The following SLC49A4 variants were observed in gnomAD, a reference collection of about 807,000 sequenced individuals.
The protein encoded by SLC49A4 is solute carrier family 49 member 4, also known as disrupted in renal cancer protein 2.
A neutral mutation model predicts 50.6 loss-of-function variants in SLC49A4; 36 were observed. The ratio of observed to expected loss-of-function variants is 0.71; its 90% CI spans 0.55 to 0.94. SLC49A4 has a LOEUF of 0.94. Ranked by LOEUF, SLC49A4 falls within the 40% of genes least tolerant of loss-of-function variation. SLC49A4 has a pLI of 0.00. For synonymous variants in SLC49A4, 248 were observed against 241.2 expected (o/e 1.03, Z -0.26); for missense variants, 503 against 605.7 (o/e 0.83, Z 1.78).
intron 1 of SLC49A4, among the ~76,000 whole-genome samples, chr3:122,802,131 G>A (rs906551046): frequency 2.2e-4 from 34 of 152,202 alleles, no homozygotes; most frequent in African/African-American, 6.0e-4. Flanking sequence ...GGGCAACATC[G>A]TGAGACCCTA....
intron 4 of SLC49A4, among the ~76,000 whole-genome samples, chr3:122,836,298 T>C (rs562986576): frequency 1.2e-3 from 185 of 152,230 alleles, no homozygotes; most frequent in African/African-American, 4.2e-3. Flanking sequence ...GGATTACATT[T>C]ATTGATTTGC....
At chr3:122,851,111 C>G (rs1167706956) in intron 5 of SLC49A4, among the ~76,000 whole-genome samples, 1 of 152,136 alleles carries the variant, frequency 6.6e-6, no homozygotes, top group Non-Finnish European at 1.5e-5. Flanking sequence ...TCATTTAACC[C>G]TCTCCCATCT....
In SLC49A4 at chr3:122,819,672, A is replaced by G. The variant is rs533924597; in HGVS notation, c.438-7128A>G. 2.5e-4 allele frequency among the ~76,000 whole-genome samples: 38 copies of G among 152,240 alleles called. No homozygotes were observed. In the East Asian group the frequency reaches 6.9e-3, roughly 28 times the overall value. ...TCATTACTTTTCCACCACCACCTCTATTTCTCTTTTCCTGTCTTCCTTTTT... is the reference window on the plus strand; with the variant it reads ...TCATTACTTTTCCACCACCACCTCTGTTTCTCTTTTCCTGTCTTCCTTTTT... On this transcript the variant is annotated intron_variant, in intron 2 of 8. Transcript: ENST00000261038.
intron 7 of SLC49A4, among the ~76,000 whole-genome samples, chr3:122,872,009 TTAAA>T (rs1307225417): frequency 6.6e-6 from 1 of 152,224 alleles, no homozygotes; most frequent in Non-Finnish European, 1.5e-5. Flanking sequence ...ACCAATCTCT[TTAAA>T]TATGTAATTT....
intron 7 of SLC49A4, among the ~76,000 whole-genome samples, chr3:122,865,326 G>C (rs1045191633): frequency 1.3e-5 from 2 of 152,194 alleles, no homozygotes; most frequent in Non-Finnish European, 2.9e-5. Flanking sequence ...TACAGTTAGA[G>C]GGCTTGACTA....
chr3:122,832,792 A>C (rs554635303), intron 3 of SLC49A4, among the ~76,000 whole-genome samples: 11 of 152,214 alleles, frequency 7.2e-5, no homozygotes, highest in African/African-American at 2.6e-4. Context: ...CCTCTTTACC[A>C]ATTACTTGTT....
At chr3:122,822,925 A>G (rs1936474321) in intron 2 of SLC49A4, among the ~76,000 whole-genome samples, 1 of 152,082 alleles carries the variant, frequency 6.6e-6, no homozygotes, top group South Asian at 2.1e-4. Flanking sequence ...CTTGCCATAT[A>G]TATTGTATCA....
intron 2 of SLC49A4, among the ~76,000 whole-genome samples, chr3:122,821,529 A>G (rs1436043325): frequency 2.0e-5 from 3 of 152,206 alleles, no homozygotes; most frequent in African/African-American, 7.2e-5. Flanking sequence ...GAGGTGCAAG[A>G]GAAATGCAGT....
At chr3:122,834,185 C>A (rs1417019549) in intron 4 of SLC49A4, among the ~76,000 whole-genome samples, 2 of 152,094 alleles carry the variant, frequency 1.3e-5, no homozygotes, top group African/African-American at 2.4e-5. Context: ...TTGGTTCTTT[C>A]TTTTCTTGGG....
chr3:122,832,145 C>A (rs2107567609), intron 3 of SLC49A4, among the ~76,000 whole-genome samples: 1 of 152,188 alleles, frequency 6.6e-6, no homozygotes, highest in Non-Finnish European at 1.5e-5. Flanking sequence ...ACTGAAAGGA[C>A]CTCTAGAAAT....
chr3:122,830,935 A>G (rs776774376), intron 3 of SLC49A4, among the ~76,000 whole-genome samples: 1 of 152,184 alleles, frequency 6.6e-6, no homozygotes, highest in Non-Finnish European at 1.5e-5. Context: ...ACTCAACAAC[A>G]GAAAGACAAC....
At chr3:122,842,992 G>A (rs894325038) in intron 4 of SLC49A4, among the ~76,000 whole-genome samples, 6 of 152,056 alleles carry the variant, frequency 3.9e-5, no homozygotes, top group Admixed American at 3.9e-4. Context: ...TTGCCAGCAC[G>A]TAAACACATT....
At chr3:122,805,492 G>GAA (rs1936204934) in intron 1 of SLC49A4, among the ~76,000 whole-genome samples, 2 of 98,208 alleles carry the variant, frequency 2.0e-5, no homozygotes, top group Non-Finnish European at 5.2e-5. Context: ...TGTACCCTCT[G>GAA]CAAAAAGAGA....
intron 4 of SLC49A4, among the ~76,000 whole-genome samples, chr3:122,840,091 T>G (rs1195447624): frequency 6.6e-6 from 1 of 152,132 alleles, no homozygotes; most frequent in Non-Finnish European, 1.5e-5. Flanking sequence ...TTACATCAAC[T>G]TGTAGGGAGC....
intron 3 of SLC49A4, among the ~76,000 whole-genome samples, chr3:122,827,516 T>G (rs1475394033): frequency 6.6e-6 from 1 of 152,244 alleles, no homozygotes; most frequent in African/African-American, 2.4e-5. Flanking sequence ...ATCTACAGTT[T>G]ATCCTCATTT....
intron 3 of SLC49A4, among the ~76,000 whole-genome samples, chr3:122,831,974 AAAAG>A (rs1243998599): frequency 2.0e-5 from 3 of 152,088 alleles, no homozygotes; most frequent in South Asian, 2.1e-4. Context: ...ACCAAAAAAA[AAAAG>A]AAAGAAAAAA....
At chr3:122,836,252 T>A (rs1281054684) in intron 4 of SLC49A4, among the ~76,000 whole-genome samples, 1 of 152,120 alleles carries the variant, frequency 6.6e-6, no homozygotes, top group Non-Finnish European at 1.5e-5. Context: ...ATTGAGATAA[T>A]CATGTGGTTT....
At chr3:122,853,910 T>C (rs1315874172) in intron 5 of SLC49A4, among the ~76,000 whole-genome samples, 1 of 152,236 alleles carries the variant, frequency 6.6e-6, no homozygotes, top group Non-Finnish European at 1.5e-5. Context: ...AATTTAAAAT[T>C]ACATGAAAGC....
chr3:122,868,831 G>A (rs140862883), intron 7 of SLC49A4, among the ~76,000 whole-genome samples: 4 of 152,294 alleles, frequency 2.6e-5, no homozygotes, highest in African/African-American at 9.6e-5. Flanking sequence ...CCAAGACTGA[G>A]ACAATTGAAT....
Sources: allele counts gnomAD v4.1 joint callset (sites outside exome capture counted in the v4.1 genomes callset), GRCh38; gene constraint gnomAD v4.1.1; transcripts MANE v1.5; gene names NCBI Gene and HGNC (gene_info 2026-07-23, HGNC 2026-07-21).